The following TPRG1 variants were observed in gnomAD, a reference collection of about 807,000 sequenced individuals.
TPRG1 encodes tumor protein p63-regulated gene 1 protein.
A neutral mutation model predicts 29.3 loss-of-function variants in TPRG1; 29 were observed. The observed-to-expected ratio is 0.99, with a 90% CI of 0.74 to 1.35. TPRG1 has a LOEUF of 1.35. Among genes scored for constraint, TPRG1 ranks in the 40% most tolerant of loss-of-function variants. The pLI is 0.00. For synonymous variants in TPRG1, 130 were observed against 116.8 expected (o/e 1.11, Z -0.73); for missense variants, 327 against 335.0 (o/e 0.98, Z 0.19).
chr3:189,225,965 A>C (rs773000323), intron 3 of TPRG1, among the ~76,000 whole-genome samples: 7 of 152,250 alleles, frequency 4.6e-5, no homozygotes, highest in Non-Finnish European at 8.8e-5. Context: ...AGCAATTCTA[A>C]ATGTGAATGT....
At chr3:189,227,003 C>T (rs1737854250) in intron 3 of TPRG1, among the ~76,000 whole-genome samples, 1 of 151,740 alleles carries the variant, frequency 6.6e-6, no homozygotes, top group Non-Finnish European at 1.5e-5. Context: ...TATTGCTACT[C>T]ACTCAACATG....
intron 5 of TPRG1, among the ~76,000 whole-genome samples, chr3:189,166,969 C>T (rs961304174): frequency 6.6e-6 from 1 of 152,144 alleles, no homozygotes; most frequent in South Asian, 2.1e-4. Flanking sequence ...CCCAAAGATG[C>T]AGAAACGGGG....
chr3:189,091,581 G>A (rs1718340981), intron 4 of TPRG1, among the ~76,000 whole-genome samples: 1 of 152,046 alleles, frequency 6.6e-6, no homozygotes, highest in South Asian at 2.1e-4. Context: ...CACATAGCAG[G>A]CAGTCTTTCG....
chr3:189,210,294 G>A (rs1178932445), intron 2 of TPRG1, among the ~76,000 whole-genome samples: 1 of 152,094 alleles, frequency 6.6e-6, no homozygotes, highest in Non-Finnish European at 1.5e-5. Context: ...TCTCATTGTT[G>A]TTATAAATGC....
intron 4 of TPRG1, among the ~76,000 whole-genome samples, chr3:189,038,913 T>G (rs1164223731): frequency 6.6e-6 from 1 of 151,942 alleles, no homozygotes; most frequent in Non-Finnish European, 1.5e-5. Flanking sequence ...AAAACCATAA[T>G]GAGACTCATT....
intron 4 of TPRG1, among the ~76,000 whole-genome samples, chr3:189,025,374 C>T (rs944127383): frequency 6.6e-6 from 1 of 152,162 alleles, no homozygotes; most frequent in Non-Finnish European, 1.5e-5. Context: ...CTGCCCTGCC[C>T]TGCTTTTCTC....
rs933001139 is a variant in TPRG1, at chr3:189,172,104, G to C, written c.-37G>C. 31 of 152,248 alleles carry C rather than the reference G, an allele frequency of 2.0e-4. No individual in the cohort carries two copies. Among genetic ancestry groups the C allele is most frequent in the African/African-American group, 6.5e-4 (27 of 41,442 alleles). The allele number at this position is 152,248 out of a possible 1,614,324, so 9.4% of individuals were successfully genotyped here. On this transcript the variant is annotated 5_prime_UTR_variant, in exon 1 of 6. Coordinates refer to ENST00000345063, the MANE Select transcript of TPRG1 (RefSeq NM_198485.4). ...AGCCCCCTTTGTGCAGAAAGAGAAAGAAGAGCCTTGAGGACCAGCCTAGTC... is the reference window on the plus strand; with the variant it reads ...AGCCCCCTTTGTGCAGAAAGAGAAACAAGAGCCTTGAGGACCAGCCTAGTC...
chr3:189,107,498 C>T (rs1719963147), intron 1 of TPRG1, among the ~76,000 whole-genome samples: 1 of 152,114 alleles, frequency 6.6e-6, no homozygotes, highest in Non-Finnish European at 1.5e-5. Context: ...ACTAATCAAA[C>T]CTTTACAATA....
upstream of TPRG1, among the ~76,000 whole-genome samples, chr3:189,099,953 G>A (rs1033308557): frequency 6.6e-6 from 1 of 152,150 alleles, no homozygotes; most frequent in African/African-American, 2.4e-5. Flanking sequence ...TCCCACGTAG[G>A]TCCATCATGC....
chr3:189,068,762 C>T lies in TPRG1; in HGVS notation c.-463+44816C>T, dbSNP rs370918558. 4.9e-4 allele frequency among the ~76,000 whole-genome samples: 73 copies of T among 150,054 alleles called. 1 individual carries two copies. Among genetic ancestry groups the T allele is most frequent in the Admixed American group, 1.1e-3 (17 of 15,130 alleles). On this transcript the variant is annotated intron_variant, in intron 4 of 10. Transcript: ENST00000433971. Reference sequence around the variant, plus strand: ...CTGCACTCCAGCCCGGATGATAGTGCGAAACTCTGTCTCAAAAAAGAGAAA... The same window carrying T: ...CTGCACTCCAGCCCGGATGATAGTGTGAAACTCTGTCTCAAAAAAGAGAAA...
At chr3:189,162,717 C>T (rs893159093) in intron 5 of TPRG1, among the ~76,000 whole-genome samples, 11 of 152,078 alleles carry the variant, frequency 7.2e-5, no homozygotes, top group Non-Finnish European at 1.6e-4. Context: ...TAGGAGATCA[C>T]TGAAAAACAG....
At chr3:189,017,476 G>A (rs1217348375) in intron 3 of TPRG1, among the ~76,000 whole-genome samples, 1 of 152,070 alleles carries the variant, frequency 6.6e-6, no homozygotes, top group Non-Finnish European at 1.5e-5. Flanking sequence ...GAGAATATGC[G>A]GTGTTTGGTT....
chr3:189,320,831 G>A lies in TPRG1; in HGVS notation c.*11G>A, dbSNP rs1473260798. ...AGTATTGGTTTTTGAGAGTCTTTTT[G>A]GTACCATAAGCATATCATCCACAGA... is the stretch of plus-strand genomic sequence containing the variant. On this transcript the variant is annotated 3_prime_UTR_variant, in exon 6 of 6. Transcript: ENST00000345063. 1 of 1,555,100 alleles carries A rather than the reference G, an allele frequency of 6.4e-7. No homozygotes were observed. Among genetic ancestry groups the A allele is most frequent in the Non-Finnish European group, 8.7e-7 (1 of 1,151,026 alleles).
chr3:189,230,602 CTATTCTCCCGGG>C (rs1025758721), intron 3 of TPRG1, among the ~76,000 whole-genome samples: 5 of 152,110 alleles, frequency 3.3e-5, no homozygotes, highest in Admixed American at 2.6e-4. Flanking sequence ...ACCTAGAATA[CTATTCTCCCGGG>C]TATTCTCCTA....
At chr3:189,308,158 G>A (rs1033126058) in intron 4 of TPRG1, among the ~76,000 whole-genome samples, 13 of 151,910 alleles carry the variant, frequency 8.6e-5, no homozygotes, top group Non-Finnish European at 1.5e-4. Flanking sequence ...TTCTAAATAT[G>A]GGAAGACATA....
chr3:189,147,001 A>G (rs1725350630), intron 3 of TPRG1, among the ~76,000 whole-genome samples: 1 of 152,210 alleles, frequency 6.6e-6, no homozygotes. Context: ...TCTGGGGTCC[A>G]CATGTATTTT....
At chr3:189,172,874 T>A (rs1165066521) in intron 1 of TPRG1, among the ~76,000 whole-genome samples, 1 of 152,184 alleles carries the variant, frequency 6.6e-6, no homozygotes, top group East Asian at 1.9e-4. Flanking sequence ...TCTCCAAATG[T>A]CAGAGGCAGC....
chr3:189,205,391 C>T (rs1734169722), intron 1 of TPRG1, among the ~76,000 whole-genome samples: 1 of 152,204 alleles, frequency 6.6e-6, no homozygotes, highest in South Asian at 2.1e-4. Flanking sequence ...CTGAGACTGT[C>T]CAGTTCACTC....
chr3:189,225,506 A>G (rs1737589027), intron 3 of TPRG1, among the ~76,000 whole-genome samples: 1 of 152,196 alleles, frequency 6.6e-6, no homozygotes, highest in Non-Finnish European at 1.5e-5. Context: ...CATAGTCTTC[A>G]TTATTTAGGG....
Sources: gnomAD v4.1 joint callset for allele counts (sites outside exome capture counted in the v4.1 genomes callset) on GRCh38, gnomAD v4.1.1 for gene constraint, MANE v1.5 for transcripts, NCBI Gene and HGNC (gene_info 2026-07-23, HGNC 2026-07-21) for gene names.